IARS2: variants seen among roughly 807,000 people sequenced by gnomAD.
The protein encoded by IARS2 is isoleucine--tRNA ligase, mitochondrial.
IARS2 carries 56 observed loss-of-function variants against 126.3 expected under a neutral mutation model. The observed-to-expected ratio is 0.44, with a 90% CI of 0.36 to 0.55. IARS2 has a LOEUF of 0.55. IARS2 is among the 20% of genes least tolerant of loss of function. IARS2 has a pLI of 0.00. For synonymous variants in IARS2, 407 were observed against 441.1 expected, an observed-to-expected ratio of 0.92 and a Z score of 0.97; for missense variants, 1,127 against 1,245.9, an observed-to-expected ratio of 0.90 and a Z score of 1.44.
chr1:220,132,525 C>CTTTTTTT (rs1368575100), intron 14 of IARS2, among the ~76,000 whole-genome samples: 1 of 128,970 alleles, frequency 7.8e-6, no homozygotes, highest in Non-Finnish European at 1.6e-5. Flanking sequence ...CTTTCTCTCT[C>CTTTTTTT]TTTTTTTTTT....
chr1:220,137,685 T>C lies in IARS2; in HGVS notation c.2050-233T>C. On this transcript the variant is annotated intron_variant, in intron 16 of 22. Coordinates refer to ENST00000366922, the MANE Select transcript of IARS2 (RefSeq NM_018060.4). ...AGACATGACCAGGGAAGAGATTAGGTATGAGCATTTGTGCATTGAACAAGA... is the reference window on the plus strand; with the variant it reads ...AGACATGACCAGGGAAGAGATTAGGCATGAGCATTTGTGCATTGAACAAGA... 8.7e-6 allele frequency: 4 copies of C among 460,298 alleles called. No individual in the cohort carries two copies. In the South Asian group the frequency reaches 1.1e-4, roughly 13 times the overall value. The allele number at this position is 460,298 out of a possible 1,614,324, so 28.5% of individuals were successfully genotyped here. A position where few individuals can be genotyped will look rare whatever the true frequency, so the allele number is the denominator to read the frequency against.
intron 22 of IARS2, among the ~76,000 whole-genome samples, chr1:220,146,441 C>T (rs1441488372): frequency 1.4e-5 from 2 of 143,144 alleles, no homozygotes; most frequent in Non-Finnish European, 3.0e-5. Context: ...TGGCGTGAAC[C>T]CCGGAGGCGG....
intron 15 of IARS2, among the ~76,000 whole-genome samples, chr1:220,136,431 C>T (rs973804908): frequency 9.2e-5 from 14 of 152,204 alleles, no homozygotes; most frequent in Admixed American, 7.8e-4. Context: ...TGCACCCAGC[C>T]GAATTTGACT....
chr1:220,137,170 T>C (rs1484575993), intron 16 of IARS2, among the ~76,000 whole-genome samples: 3 of 138,120 alleles, frequency 2.2e-5, no homozygotes, highest in Non-Finnish European at 4.8e-5. Context: ...GTAGATCCTT[T>C]TGTGATTCGT....
intron 14 of IARS2, among the ~76,000 whole-genome samples, chr1:220,127,587 G>A (rs1040893794): frequency 1.3e-5 from 2 of 152,160 alleles, no homozygotes; most frequent in Admixed American, 6.5e-5. Flanking sequence ...GAGATGTCAC[G>A]GAGGCAGTGA....
intron 12 of IARS2, among the ~76,000 whole-genome samples, chr1:220,123,483 A>AT (rs1290490289): frequency 1.3e-5 from 2 of 151,676 alleles, no homozygotes; most frequent in Non-Finnish European, 2.9e-5. Context: ...TTTATTTATT[A>AT]TTTTTTTTGA....
At chr1:220,144,314 T>C (rs1191850671) in intron 21 of IARS2, 18 of 752,450 alleles carry the variant, frequency 2.4e-5, no homozygotes, top group Middle Eastern at 3.6e-4. Flanking sequence ...TTGTTGATGC[T>C]CTTGAGAGCA....
At chr1:220,097,259 C>T (rs1377799506) in intron 2 of IARS2, among the ~76,000 whole-genome samples, 7 of 151,822 alleles carry the variant, frequency 4.6e-5, no homozygotes, top group Non-Finnish European at 1.5e-5. Flanking sequence ...TTCTGTCTCT[C>T]ACTCTTTGCT....
At chr1:220,132,410 A>G (rs1657288376) in intron 14 of IARS2, among the ~76,000 whole-genome samples, 2 of 152,164 alleles carry the variant, frequency 1.3e-5, no homozygotes, top group Admixed American at 6.5e-5. Flanking sequence ...GTATGTGTCC[A>G]GGGGTTTATC....
chr1:220,106,003 A>G lies in IARS2; in HGVS notation c.1179A>G (p.Thr393=). ...CAAAAGGAACGGGATTGGTTCACAC[A>G]GCCCCAGCTCATGGTATGGAAGACT... ...TMAKGTGLVH[T]APAHGMEDYG... is the part of the protein sequence containing the mutation. The change falls in exon 9 of 23, where the codon ACA becomes ACG. Residue 393 remains threonine (T), a synonymous_variant. Coordinates refer to ENST00000366922, the MANE Select transcript of IARS2 (RefSeq NM_018060.4). 1 of 1,614,188 alleles carries G rather than the reference A, an allele frequency of 6.2e-7. No homozygotes were observed. Among genetic ancestry groups the G allele is most frequent in the Non-Finnish European group, 8.5e-7 (1 of 1,180,016 alleles).
intron 15 of IARS2, 31 bp downstream of exon 15, chr1:220,134,541 A>C: frequency 7.3e-7 from 1 of 1,362,434 alleles, no homozygotes; most frequent in Non-Finnish European, 1.0e-6. Context: ...CAACCTGCTG[A>C]GTACCTGCCA....
chr1:220,127,983 T>G (rs555390562), intron 14 of IARS2, among the ~76,000 whole-genome samples: 19 of 152,324 alleles, frequency 1.2e-4, no homozygotes, highest in African/African-American at 4.3e-4. Context: ...TCATGTGTTA[T>G]ATAATGACAC....
In IARS2 at chr1:220,105,912, C is replaced by T. The variant is rs748372193; in HGVS notation, c.1088C>T (p.Thr363Ile). 4 of 1,613,034 alleles carry T rather than the reference C, an allele frequency of 2.5e-6. No individual in the cohort carries two copies. In the Admixed American group the frequency reaches 6.7e-5, roughly 27 times the overall value. Residue 363 changes from threonine (T) to isoleucine (I), a missense_variant, in exon 9 of 23, where the codon ACT becomes ATT. By Grantham distance (89) the Thr-to-Ile change is moderately conservative. Transcript: ENST00000366922. ...ACAGGTGTAGATTTGGAAAATGGTA[C>T]TTGCAGTCATCCATTAATTCCTGAT... ...TLSGVDLENG[T>I]CSHPLIPDKA...
chr1:220,110,780 TTA>T lies in IARS2; in HGVS notation c.1328-5_1328-4del. 1.3e-6 allele frequency: 2 copies of T among 1,576,792 alleles called. No individual in the cohort carries two copies. Among genetic ancestry groups the T allele is most frequent in the Non-Finnish European group, 8.6e-7 (1 of 1,162,966 alleles). The stretch of plus-strand genomic sequence containing the variant: ...TATGTCTAATTTGGTGTTTTTTTTT[TTA>T]AAGTTATAAAGATGCTTCAGACTGC... On this transcript the variant is annotated splice_polypyrimidine_tract_variant and splice_region_variant and intron_variant, in intron 10 of 22. Transcript: ENST00000366922.
At chr1:220,134,302 C>T (rs1187790070) in intron 14 of IARS2, 100 bp from the exon 15 acceptor site, 10 of 785,674 alleles carry the variant, frequency 1.3e-5, no homozygotes, top group East Asian at 2.9e-5. Flanking sequence ...AAAGTTACTT[C>T]CCTTCCTCCC....
At chr1:220,106,630 C>CTTTTTTTTTTTTTTT (rs200435156) in intron 9 of IARS2, among the ~76,000 whole-genome samples, 2 of 138,278 alleles carry the variant, frequency 1.4e-5, no homozygotes, top group East Asian at 2.1e-4. Context: ...CTTTTCTTTT[C>CTTTTTTTTTTTTTTT]TTTTTTTTTT....
chr1:220,109,277 G>A (rs1300276603), intron 10 of IARS2, among the ~76,000 whole-genome samples: 1 of 152,010 alleles, frequency 6.6e-6, no homozygotes, highest in African/African-American at 2.4e-5. Flanking sequence ...GTAGGTGCCT[G>A]TAATCCCAGC....
chr1:220,137,937 C>T lies in IARS2; in HGVS notation c.2069C>T (p.Pro690Leu), dbSNP rs140671346. 9 of 1,613,856 alleles carry T rather than the reference C, an allele frequency of 5.6e-6. No individual in the cohort carries two copies. The East Asian group carries it at 6.7e-5, about 12-fold the overall frequency. The change falls in exon 17 of 23, where the codon CCG (proline) becomes CTG (leucine). Residue 690 changes from proline (P) to leucine (L), a missense_variant. Physicochemically the swap from Pro to Leu is moderately conservative, Grantham distance 98. Coordinates refer to ENST00000366922, the MANE Select transcript of IARS2 (RefSeq NM_018060.4). ...NGGQDQSKEP[P>L]YGADVLRWWV... Reference sequence around the variant, plus strand: ...GAAAAGGATCAAAGCAAAGAGCCTCCGTATGGTGCTGATGTCCTTCGCTGG... The same window carrying T: ...GAAAAGGATCAAAGCAAAGAGCCTCTGTATGGTGCTGATGTCCTTCGCTGG...
chr1:220,116,096 C>T (rs1422655129), intron 12 of IARS2, among the ~76,000 whole-genome samples: 4 of 152,026 alleles, frequency 2.6e-5, no homozygotes, highest in Non-Finnish European at 4.4e-5. Flanking sequence ...GTAGTCCCAG[C>T]GACTTGGGAG....
Sources: allele counts gnomAD v4.1 joint callset (sites outside exome capture counted in the v4.1 genomes callset), GRCh38; gene constraint gnomAD v4.1.1; transcripts MANE v1.5; gene names NCBI Gene and HGNC (gene_info 2026-07-23, HGNC 2026-07-21).